Variants in AK8 observed in about 807,000 individuals in gnomAD.
The protein encoded by AK8 is adenylate kinase 8, also known as ATP-AMP transphosphorylase 8.
In AK8, 44 loss-of-function variants were observed where a neutral mutation model predicts 54.6. That is an observed-to-expected ratio of 0.81 (90% CI 0.63 to 1.04). The LOEUF (loss-of-function observed/expected upper bound fraction) is 1.04. Among genes scored for constraint, AK8 ranks in the 50% least tolerant of loss-of-function variants. AK8 has a pLI of 0.00. For missense variants in AK8, 555 were observed against 613.6 expected, an observed-to-expected ratio of 0.90 and a Z score of 1.01; for synonymous variants, 239 against 245.6, an observed-to-expected ratio of 0.97 and a Z score of 0.25.
In AK8 at chr9:132,814,624, G is replaced by C; in HGVS notation, c.979+14C>G. 1 of 1,612,466 alleles carries C rather than the reference G, an allele frequency of 6.2e-7. No homozygotes were observed. Among genetic ancestry groups the C allele is most frequent in the South Asian group, 1.1e-5 (1 of 90,852 alleles). On this transcript the variant is annotated intron_variant, in intron 10 of 12. Transcript: ENST00000298545. ...GCCTGTAAGGTCATGACAGTTAGTGGGAACGTGGCCTACCTGCCATCTCCT... is the reference window on the plus strand; with the variant it reads ...GCCTGTAAGGTCATGACAGTTAGTGCGAACGTGGCCTACCTGCCATCTCCT...
intron 7 of AK8, chr9:132,827,312 GC>G: frequency 1.8e-6 from 1 of 549,976 alleles, no homozygotes; most frequent in Non-Finnish European, 3.3e-6. Flanking sequence ...CTTACTCTGT[GC>G]CAGCCACTCT....
intron 11 of AK8, among the ~76,000 whole-genome samples, chr9:132,755,154 T>G (rs1042332820): frequency 6.6e-6 from 1 of 152,218 alleles, no homozygotes; most frequent in Non-Finnish European, 1.5e-5. Context: ...AGCAAGCACT[T>G]GCTGTCATGC....
intron 11 of AK8, among the ~76,000 whole-genome samples, chr9:132,756,784 C>G (rs1400668047): frequency 2.0e-5 from 3 of 152,098 alleles, no homozygotes; most frequent in Admixed American, 2.0e-4. Flanking sequence ...CATCATCCCC[C>G]CTTTAGAGAC....
intron 3 of AK8, 57 bp from the exon 4 acceptor site, chr9:132,863,835 A>G (rs1016044904): frequency 8.5e-6 from 11 of 1,291,788 alleles, no homozygotes; most frequent in Non-Finnish European, 1.2e-5. Context: ...TACACAAATG[A>G]CTCTATTAAA....
Position 132,804,627 on chromosome 9 carries a change from C to T in AK8, c.979+10011G>A, listed in dbSNP as rs56232544. On this transcript the variant is annotated intron_variant, in intron 10 of 12. Coordinates refer to ENST00000298545, the MANE Select transcript of AK8 (RefSeq NM_152572.3). The stretch of plus-strand genomic sequence containing the variant: ...GAAGTCTCTTCCCTCGCCTCTCCCC[C>T]TCCCGTGTCCCTCTGCTCCCATCTT... Among the ~76,000 whole-genome samples, 1,358 of 152,286 alleles carry T rather than the reference C, an allele frequency of 8.9e-3. 18 individuals carry two copies. The highest frequency in any genetic ancestry group is 0.03 in the African/African-American group (1,265 of 41,540).
intron 5 of AK8, among the ~76,000 whole-genome samples, chr9:132,849,163 C>A (rs1564437172): frequency 6.6e-6 from 1 of 152,116 alleles, no homozygotes; most frequent in Admixed American, 6.5e-5. Context: ...CTGTCTCAGC[C>A]TCCCAAAGTG....
At chr9:132,793,805 T>G (rs1050314000) in intron 10 of AK8, among the ~76,000 whole-genome samples, 1 of 152,232 alleles carries the variant, frequency 6.6e-6, no homozygotes, top group Non-Finnish European at 1.5e-5. Flanking sequence ...AAATACTTGG[T>G]AAATATTACC....
At chr9:132,795,676 C>A (rs11243913) in intron 10 of AK8, among the ~76,000 whole-genome samples, 9,130 of 152,160 alleles carry the variant, frequency 0.06, 370 homozygotes, top group Middle Eastern at 0.11. Context: ...ATACGGTCTA[C>A]GCAGCAAGCC....
chr9:132,769,203 T>C (rs1362131006), intron 11 of AK8: 9 of 152,324 alleles, frequency 5.9e-5, no homozygotes, highest in Admixed American at 5.2e-4. Flanking sequence ...TCCTGCACAG[T>C]CCAGGCACCA....
chr9:132,878,610 C>T, upstream of AK8: 1 of 1,079,280 alleles, frequency 9.3e-7, no homozygotes, highest in Non-Finnish European at 1.1e-6. This position sits in a 1 kb window ranked among gnomAD's most constrained non-coding sequence, Gnocchi z 4.7. Flanking sequence ...CTGGTTCTGT[C>T]AGTGCTCCCC....
Position 132,785,034 on chromosome 9 carries a change from T to C in AK8, c.1121+7600A>G, listed in dbSNP as rs912359935. The stretch of plus-strand genomic sequence containing the variant: ...GCACAGAAAAATTTCAGGATATGTC[T>C]GTCCCTGGCTCCCCCAAAATGGAGA... On this transcript the variant is annotated intron_variant, in intron 11 of 12. Coordinates refer to ENST00000298545, the MANE Select transcript of AK8 (RefSeq NM_152572.3). Among the ~76,000 whole-genome samples the C allele has an allele frequency of 2.0e-5, 3 of 151,776 alleles. No homozygotes were observed. The South Asian group carries it at 6.2e-4, about 31-fold the overall frequency.
At chr9:132,792,218 C>G (rs1429316037) in intron 11 of AK8, among the ~76,000 whole-genome samples, 1 of 152,178 alleles carries the variant, frequency 6.6e-6, no homozygotes, top group Admixed American at 6.5e-5. Context: ...ATATTCAACA[C>G]TCTGAACAAA....
intron 11 of AK8, among the ~76,000 whole-genome samples, chr9:132,764,172 T>C (rs1040679503): frequency 6.6e-6 from 1 of 152,136 alleles, no homozygotes; most frequent in Non-Finnish European, 1.5e-5. Context: ...TATCTGGGTG[T>C]GTTGGTGTGC....
rs545374346 is a variant in AK8 at position 132,791,273 on chromosome 9, A to G, written c.1121+1361T>C. On this transcript the variant is annotated intron_variant, in intron 11 of 12. Coordinates refer to ENST00000298545, the MANE Select transcript of AK8 (RefSeq NM_152572.3). The surrounding 1 kb of genome is among the most constrained non-coding windows in gnomAD (Gnocchi z 4.0). The stretch of plus-strand genomic sequence containing the variant: ...GGAGGTGCCACACTTTAAAACCATC[A>G]GATCTCGTGAGAACTCATTCACTAT... Among the ~76,000 whole-genome samples the G allele has an allele frequency of 6.6e-6, 1 of 152,314 alleles. No homozygotes were observed. The highest frequency in any genetic ancestry group is 1.9e-4 in the East Asian group (1 of 5,188).
intron 11 of AK8, among the ~76,000 whole-genome samples, chr9:132,740,930 G>C (rs1386214822): frequency 6.6e-6 from 1 of 152,196 alleles, no homozygotes. Context: ...GGCATCTGGT[G>C]TGTTTGTCCT....
intron 11 of AK8, among the ~76,000 whole-genome samples, chr9:132,771,676 A>AC (rs1449267047): frequency 6.6e-6 from 1 of 152,170 alleles, no homozygotes; most frequent in Non-Finnish European, 1.5e-5. Flanking sequence ...CAAGGCTCCC[A>AC]CCTTGTTATG....
At chr9:132,734,340 C>T (rs529047940) in intron 11 of AK8, among the ~76,000 whole-genome samples, 5 of 152,238 alleles carry the variant, frequency 3.3e-5, no homozygotes, top group East Asian at 1.9e-4. Context: ...CATCCTTGGC[C>T]GCACCCTGAA....
intron 2 of AK8, among the ~76,000 whole-genome samples, chr9:132,869,450 C>T (rs569233069): frequency 1.1e-3 from 160 of 152,352 alleles, no homozygotes; most frequent in Admixed American, 1.7e-3. Context: ...GCAGGCCCTG[C>T]GGAGCTGCCA....
intron 10 of AK8, among the ~76,000 whole-genome samples, chr9:132,795,779 G>C (rs1461593574): frequency 1.3e-5 from 2 of 152,098 alleles, no homozygotes; most frequent in Non-Finnish European, 2.9e-5. Context: ...AAGAGTCATG[G>C]GTACTGTGAA....
Sources: gnomAD v4.1 joint callset for allele counts (sites outside exome capture counted in the v4.1 genomes callset) on GRCh38, gnomAD v4.1.1 for gene constraint, Gnocchi (gnomAD v3.1) non-coding constraint, MANE v1.5 for transcripts, NCBI Gene and HGNC (gene_info 2026-07-23, HGNC 2026-07-21) for gene names.